The following TRIP4 variants were observed in gnomAD, a reference collection of about 807,000 sequenced individuals.
TRIP4 encodes thyroid hormone receptor interactor 4.
TRIP4 carries 54 observed loss-of-function variants against 81.8 expected under a neutral mutation model. The observed-to-expected ratio is 0.66, with a 90% CI of 0.53 to 0.83. TRIP4 has a LOEUF of 0.83. Among genes scored for constraint, TRIP4 ranks in the 40% least tolerant of loss-of-function variants. The pLI, the probability that TRIP4 is intolerant of heterozygous loss-of-function variation, is 0.00. For missense variants in TRIP4, 662 were observed against 683.6 expected (o/e 0.97, Z 0.35); for synonymous variants, 270 against 242.8 (o/e 1.11, Z -1.04).
chr15:64,413,382 G>C (rs1891814075), intron 7 of TRIP4, among the ~76,000 whole-genome samples: 1 of 151,856 alleles, frequency 6.6e-6, no homozygotes, highest in Admixed American at 6.6e-5. Context: ...TCTCTATGTT[G>C]CCCAAGCTGG....
chr15:64,405,705 G>A (rs949145802), intron 5 of TRIP4, among the ~76,000 whole-genome samples: 8 of 151,926 alleles, frequency 5.3e-5, no homozygotes, highest in Non-Finnish European at 7.4e-5. Context: ...TAATATAAAC[G>A]TATATTTAGG....
intron 12 of TRIP4, among the ~76,000 whole-genome samples, chr15:64,449,444 C>T (rs7164387): frequency 0.52 from 78,240 of 151,322 alleles, 21,635 homozygotes; most frequent in East Asian, 0.89. Context: ...AAGAGATCTT[C>T]CTGCCTGAGC....
chr15:64,415,641 G>A (rs920335879), intron 8 of TRIP4, among the ~76,000 whole-genome samples: 1 of 152,112 alleles, frequency 6.6e-6, no homozygotes, highest in African/African-American at 2.4e-5. Context: ...CTCTTACAAG[G>A]ATACAAGTCA....
chr15:64,417,237 T>G lies in TRIP4; in HGVS notation c.1171-1304T>G, dbSNP rs549498927. Among the ~76,000 whole-genome samples the G allele has an allele frequency of 3.9e-5, 6 of 152,212 alleles. No individual in the cohort carries two copies. In the South Asian group the frequency reaches 1.2e-3, roughly 32 times the overall value. ...TTGTTGCCCAGGTTGGTCTTAAACT[T>G]CTGGGCTCAAGCGATCCTCCTGCCT... On this transcript the variant is annotated intron_variant, in intron 8 of 12. Transcript: ENST00000261884.
chr15:64,405,158 CTT>C (rs1376294499), intron 5 of TRIP4, among the ~76,000 whole-genome samples: 15 of 142,460 alleles, frequency 1.1e-4, no homozygotes, highest in Non-Finnish European at 1.1e-4. Context: ...TTTTTCTTTT[CTT>C]TTTTTTTTTT....
intron 9 of TRIP4, among the ~76,000 whole-genome samples, chr15:64,420,323 G>A (rs1189140008): frequency 3.3e-5 from 5 of 151,512 alleles, no homozygotes. Context: ...GTTTCTCCAT[G>A]TTGGTCAGGC....
chr15:64,434,394 CG>C (rs1892342950), intron 11 of TRIP4, among the ~76,000 whole-genome samples: 1 of 114,496 alleles, frequency 8.7e-6, no homozygotes, highest in African/African-American at 3.2e-5. Context: ...AGTGAAACTC[CG>C]TCTCAAGAAA....
At chr15:64,400,304 C>G (rs2140285442) in intron 4 of TRIP4, among the ~76,000 whole-genome samples, 1 of 150,622 alleles carries the variant, frequency 6.6e-6, no homozygotes, top group East Asian at 2.0e-4. Context: ...TCCTAAGTAG[C>G]TGGAACTATA....
At chr15:64,421,437 A>T (rs535571342) in intron 9 of TRIP4, among the ~76,000 whole-genome samples, 39 of 151,378 alleles carry the variant, frequency 2.6e-4, no homozygotes, top group Admixed American at 6.6e-4. Flanking sequence ...TCCAGGTTAA[A>T]GCATTCTCCA....
At chr15:64,421,389 T>G (rs1596349664) in intron 9 of TRIP4, among the ~76,000 whole-genome samples, 1 of 151,338 alleles carries the variant, frequency 6.6e-6, no homozygotes, top group African/African-American at 2.4e-5. Context: ...CAGGCTGGAG[T>G]GCAGTGGCAT....
chr15:64,418,216 A>T (rs1379131197), intron 8 of TRIP4, among the ~76,000 whole-genome samples: 2 of 152,064 alleles, frequency 1.3e-5, no homozygotes, highest in Non-Finnish European at 2.9e-5. Flanking sequence ...GGTTCAAATG[A>T]TTCTCCTGCC....
At chr15:64,406,513 T>C in intron 6 of TRIP4, 54 bp downstream of exon 6, 1 of 1,583,454 alleles carries the variant, frequency 6.3e-7, no homozygotes, top group Non-Finnish European at 8.6e-7. Context: ...CCACAGATTC[T>C]GGCCATTATT....
At chr15:64,449,289 T>C (rs57039478) in intron 12 of TRIP4, among the ~76,000 whole-genome samples, 10,423 of 150,686 alleles carry the variant, frequency 0.069, 1,194 homozygotes, top group African/African-American at 0.24. Flanking sequence ...TGTTTGTTTT[T>C]GTTTTTTTTT....
intron 12 of TRIP4, 66 bp downstream of exon 12, chr15:64,445,174 G>C: frequency 1.2e-6 from 1 of 833,490 alleles, no homozygotes; most frequent in Non-Finnish European, 2.0e-6. Flanking sequence ...GAAAAAAGTA[G>C]AACAAGGAGT....
At chr15:64,451,193 A>C (rs375632019) in intron 12 of TRIP4, among the ~76,000 whole-genome samples, 23 of 151,776 alleles carry the variant, frequency 1.5e-4, no homozygotes, top group East Asian at 5.8e-4. Flanking sequence ...GCTCACTGCA[A>C]CCTCTGCCTC....
intron 8 of TRIP4, among the ~76,000 whole-genome samples, chr15:64,416,024 A>G (rs1344558243): frequency 1.3e-5 from 2 of 152,188 alleles, no homozygotes; most frequent in African/African-American, 4.8e-5. Context: ...AGCCCAAATT[A>G]GTATTAAAGC....
chr15:64,389,088 A>G (rs1256214618), intron 1 of TRIP4, among the ~76,000 whole-genome samples: 2 of 152,192 alleles, frequency 1.3e-5, no homozygotes, highest in African/African-American at 4.8e-5. Flanking sequence ...GGTTTATTGG[A>G]AAGGATAACT....
At chr15:64,419,414 AGTGGC>A (rs1295450910) in intron 9 of TRIP4, among the ~76,000 whole-genome samples, 4 of 151,760 alleles carry the variant, frequency 2.6e-5, no homozygotes, top group Admixed American at 6.6e-5. Flanking sequence ...GCTGGAGTGC[AGTGGC>A]GTGGTCTCGG....
intron 11 of TRIP4, among the ~76,000 whole-genome samples, chr15:64,433,446 CA>C (rs1247434507): frequency 6.6e-6 from 1 of 151,344 alleles, no homozygotes; most frequent in African/African-American, 2.4e-5. Context: ...ACTAAAAATA[CA>C]AAAAAAATTA....
Sources: gnomAD v4.1 joint callset for allele counts (sites outside exome capture counted in the v4.1 genomes callset) on GRCh38, gnomAD v4.1.1 for gene constraint, MANE v1.5 for transcripts, NCBI Gene and HGNC (gene_info 2026-07-23, HGNC 2026-07-21) for gene names.